ZNF143: variants seen among roughly 807,000 people sequenced by gnomAD.
ZNF143 encodes the protein zinc finger protein 143, also known as SPH-binding factor.
ZNF143 carries 49 observed loss-of-function variants against 74.1 expected under a neutral mutation model. That is an observed-to-expected ratio of 0.66 (90% CI 0.53 to 0.84). The LOEUF is 0.84. Among genes scored for constraint, ZNF143 ranks in the 40% least tolerant of loss-of-function variants. The probability of loss-of-function intolerance (pLI) is 0.00; values close to 1 mark genes in which losing one functional copy is unlikely to be tolerated. For synonymous variants in ZNF143, 304 were observed against 282.8 expected, an observed-to-expected ratio of 1.07 and a Z score of -0.75; for missense variants, 637 against 793.4, an observed-to-expected ratio of 0.80 and a Z score of 2.37.
intron 14 of ZNF143, among the ~76,000 whole-genome samples, chr11:9,525,037 GC>G (rs1175505256): frequency 6.6e-6 from 1 of 152,058 alleles, no homozygotes; most frequent in Non-Finnish European, 1.5e-5. Flanking sequence ...ACCCTATTTT[GC>G]CGTTGGCTCA....
intron 11 of ZNF143, 24 bp downstream of exon 11, chr11:9,501,294 C>G (rs772436778): frequency 1.2e-6 from 2 of 1,607,682 alleles, no homozygotes; most frequent in Admixed American, 3.4e-5. Context: ...ATCTTTTGGT[C>G]TTTTATCTTT....
rs1856646454 is a variant in ZNF143, at chr11:9,472,613, A to G, written c.113-64A>G. On this transcript the variant is annotated intron_variant, in intron 2 of 15. Transcript: ENST00000396602. ...CCTTTTTTCTGATCTTTATTTGAAA[A>G]AAAAATTAATCAGCATGTCCATATG... The G allele has an allele frequency of 7.0e-7, 1 of 1,423,578 alleles. No homozygotes were observed. Among genetic ancestry groups the G allele is most frequent in the Non-Finnish European group, 9.7e-7 (1 of 1,026,200 alleles). The allele number at this position is 1,423,578 out of a possible 1,614,324, so 88.2% of individuals were successfully genotyped here.
In ZNF143 at chr11:9,471,356, T is replaced by C. The variant is rs1856554793; in HGVS notation, c.48T>C (p.Phe16=). 5.6e-6 allele frequency: 9 copies of C among 1,612,630 alleles called. No individual in the cohort carries two copies. Among genetic ancestry groups the C allele is most frequent in the Non-Finnish European group, 7.6e-6 (9 of 1,179,558 alleles). The change falls in exon 2 of 16, where the codon TTT becomes TTC. Residue 16 remains phenylalanine (F), a synonymous_variant. Transcript: ENST00000396602. ...INRDSQGMTE[F]PGGGMEAQHV... ...GAGATTCTCAGGGAATGACAGAGTTTCCTGGAGGAGGGATGGAGGCGCAAC... is the reference window on the plus strand; with the variant it reads ...GAGATTCTCAGGGAATGACAGAGTTCCCTGGAGGAGGGATGGAGGCGCAAC...
chr11:9,498,414 C>G lies in ZNF143; in HGVS notation c.967+614C>G, dbSNP rs147943364. 3.9e-3 allele frequency among the ~76,000 whole-genome samples: 592 copies of G among 152,222 alleles called. 6 individuals carry two copies. The highest frequency in any genetic ancestry group is 0.014 in the African/African-American group (563 of 41,536). ...TAGGATTACACATCTAATTAGTAGCCGAGCTGAGACAGAACCTAAGGCACC... is the reference window on the plus strand; with the variant it reads ...TAGGATTACACATCTAATTAGTAGCGGAGCTGAGACAGAACCTAAGGCACC... On this transcript the variant is annotated intron_variant, in intron 10 of 15. Coordinates refer to ENST00000396602, the MANE Select transcript of ZNF143 (RefSeq NM_003442.6).
chr11:9,478,280 A>C, intron 5 of ZNF143, 110 bp from the exon 6 acceptor site: 2 of 1,087,230 alleles, frequency 1.8e-6, no homozygotes, highest in African/African-American at 3.1e-5. Flanking sequence ...TGCGTGGTCC[A>C]GTACTCAGAG....
intron 7 of ZNF143, among the ~76,000 whole-genome samples, chr11:9,483,238 C>G (rs36127671): frequency 0.15 from 22,643 of 149,308 alleles, 2,357 homozygotes; most frequent in East Asian, 0.41. Context: ...CAGTGATCAA[C>G]CCACCTCAGC....
At position 9,488,712 on chromosome 11, in the gene ZNF143, A is replaced by G. The variant is rs192562826; in HGVS notation, c.646-5934A>G. Among the ~76,000 whole-genome samples, 35 of 152,362 alleles carry G rather than the reference A, an allele frequency of 2.3e-4. No individual in the cohort carries two copies. In the East Asian group the frequency reaches 3.3e-3, roughly 14 times the overall value. ...GCTAGACTGAGAGCCCTACAAAGGC[A>G]GGAACAGTATTTTATTTATCATTTT... On this transcript the variant is annotated intron_variant, in intron 7 of 15. Transcript: ENST00000396602.
chr11:9,528,340 C>A lies in ZNF143; in HGVS notation c.*727C>A, dbSNP rs559052715. On this transcript the variant is annotated 3_prime_UTR_variant, in exon 16 of 16. Transcript: ENST00000396602. ...TTACTGTTTTTTAAAAATAATGAATCATCAAAGTTTAACCACAGGCTGGTG... is the reference window on the plus strand; with the variant it reads ...TTACTGTTTTTTAAAAATAATGAATAATCAAAGTTTAACCACAGGCTGGTG... 1 of 152,050 alleles carries A rather than the reference C, an allele frequency of 6.6e-6. No homozygotes were observed. The highest frequency in any genetic ancestry group is 1.5e-5 in the Non-Finnish European group (1 of 68,016). The allele number at this position is 152,050 out of a possible 1,614,324, so 9.4% of individuals were successfully genotyped here. A position where few individuals can be genotyped will look rare whatever the true frequency, so the allele number is the denominator to read the frequency against.
intron 1 of ZNF143, among the ~76,000 whole-genome samples, chr11:9,469,111 G>T (rs1386963273): frequency 6.0e-5 from 9 of 150,576 alleles, no homozygotes; most frequent in Admixed American, 6.0e-4. Flanking sequence ...TCTAGCCTCG[G>T]CTACAGTGAG....
intron 11 of ZNF143, among the ~76,000 whole-genome samples, chr11:9,503,977 T>G (rs1848261206): frequency 9.0e-6 from 1 of 111,198 alleles, no homozygotes; most frequent in East Asian, 2.4e-4. Context: ...TTTTTTTTTT[T>G]GAGACAGAGT....
rs577992177 is a variant in ZNF143 at position 9,508,993 on chromosome 11, T to G, written c.1375+147T>G. 5.7e-6 allele frequency: 5 copies of G among 879,676 alleles called. No individual in the cohort carries two copies. In the African/African-American group the frequency reaches 8.4e-5, roughly 15 times the overall value. 54.5% of individuals were successfully genotyped at this position (879,676 alleles called of 1,614,324 possible). ...AATTTACAGCTGCAGTAAGTGCTAT[T>G]GAAGAAAAGTATGTGGTACTCTGGG... On this transcript the variant is annotated intron_variant, in intron 12 of 15. Coordinates refer to ENST00000396602, the MANE Select transcript of ZNF143 (RefSeq NM_003442.6).
At chr11:9,465,037 TAAAA>T (rs964680107) in intron 1 of ZNF143, among the ~76,000 whole-genome samples, 2 of 152,150 alleles carry the variant, frequency 1.3e-5, no homozygotes, top group Admixed American at 1.3e-4. Flanking sequence ...TTTATAGGAA[TAAAA>T]AAAGCTGAAT....
chr11:9,489,105 A>AT (rs1462136474), intron 7 of ZNF143, among the ~76,000 whole-genome samples: 5 of 151,938 alleles, frequency 3.3e-5, no homozygotes, highest in African/African-American at 9.7e-5. Flanking sequence ...GGTCATTGCT[A>AT]TTTTTGTAGT....
chr11:9,522,902 C>T (rs1848987234), intron 14 of ZNF143, among the ~76,000 whole-genome samples: 1 of 151,856 alleles, frequency 6.6e-6, no homozygotes, highest in African/African-American at 2.4e-5. Context: ...GCTGGGACTA[C>T]AGGCACCCGC....
intron 13 of ZNF143, among the ~76,000 whole-genome samples, chr11:9,514,556 G>A (rs1848659535): frequency 6.6e-6 from 1 of 152,206 alleles, no homozygotes; most frequent in Admixed American, 6.5e-5. Context: ...TACAGAAAGT[G>A]CTGTGGCACC....
intron 14 of ZNF143, among the ~76,000 whole-genome samples, chr11:9,518,721 GAAA>G (rs796709183): frequency 6.4e-5 from 8 of 125,058 alleles, no homozygotes; most frequent in African/African-American, 2.4e-4. Context: ...CCGTCTTAAA[GAAA>G]AAAAAAAAAA....
chr11:9,503,642 CTT>C (rs796242391), intron 11 of ZNF143, among the ~76,000 whole-genome samples: 12 of 138,044 alleles, frequency 8.7e-5, no homozygotes, highest in Non-Finnish European at 1.3e-4. Context: ...TGATGTGAAG[CTT>C]TTTTTTTTTT....
In ZNF143 at chr11:9,528,263, AAAGTT is replaced by A. The variant is rs1336251144; in HGVS notation, c.*653_*657del. 4.6e-5 allele frequency: 7 copies of A among 152,236 alleles called. No homozygotes were observed. Among genetic ancestry groups the A allele is most frequent in the Non-Finnish European group, 8.8e-5 (6 of 68,036 alleles). The allele number at this position is 152,236 out of a possible 1,614,324, so 9.4% of individuals were successfully genotyped here. On this transcript the variant is annotated 3_prime_UTR_variant, in exon 16 of 16. Coordinates refer to ENST00000396602, the MANE Select transcript of ZNF143 (RefSeq NM_003442.6). ...ATAAAATTTGGTTATTTAAAATTAA[AAAGTT>A]AAATCCAGTGGTTTTGTTAAAGATT...
At position 9,461,012 on chromosome 11, in the gene ZNF143, A is replaced by G. The variant is rs1325766606; in HGVS notation, c.-72A>G. On this transcript the variant is annotated 5_prime_UTR_variant, in exon 1 of 16. Transcript: ENST00000396602. The stretch of plus-strand genomic sequence containing the variant: ...GCGGGTTGCGGGGCCTGGGGGCCGG[A>G]CGGCTGTTTCCTGTCCTGGTGCATG... 3.0e-6 allele frequency: 3 copies of G among 985,780 alleles called. No individual in the cohort carries two copies. Among genetic ancestry groups the G allele is most frequent in the Admixed American group, 6.2e-5 (1 of 16,250 alleles). 61.1% of individuals were successfully genotyped at this position (985,780 alleles called of 1,614,324 possible).
Sources: allele counts gnomAD v4.1 joint callset (sites outside exome capture counted in the v4.1 genomes callset), GRCh38; gene constraint gnomAD v4.1.1; transcripts MANE v1.5; gene names NCBI Gene and HGNC (gene_info 2026-07-23, HGNC 2026-07-21).